The following PALS1 variants were observed in gnomAD, a reference collection of about 807,000 sequenced individuals.
The protein encoded by PALS1 is protein PALS1.
A neutral mutation model predicts 78.9 loss-of-function variants in PALS1; 31 were observed. That is an observed-to-expected ratio of 0.39 (90% CI 0.30 to 0.53). The LOEUF is 0.53. Among genes scored for constraint, PALS1 ranks in the 20% least tolerant of loss-of-function variants. The probability of loss-of-function intolerance (pLI) is 0.67; values close to 1 mark genes in which losing one functional copy is unlikely to be tolerated. For missense variants in PALS1, 704 were observed against 826.5 expected (o/e 0.85, Z 1.82); for synonymous variants, 276 against 270.9 (o/e 1.02, Z -0.18).
intron 3 of PALS1, among the ~76,000 whole-genome samples, chr14:67,291,083 T>C (rs1311946975): frequency 2.0e-5 from 3 of 152,058 alleles, no homozygotes; most frequent in Non-Finnish European, 4.4e-5. Context: ...GGGTCGGAGT[T>C]GACAAATTCT....
chr14:67,243,965 A>G (rs1202400156), intron 1 of PALS1, among the ~76,000 whole-genome samples: 3 of 152,204 alleles, frequency 2.0e-5, no homozygotes, highest in Non-Finnish European at 4.4e-5. Flanking sequence ...TTGGAACTAC[A>G]TGAATGCTAA....
At chr14:67,276,324 T>C (rs1365280953) in intron 2 of PALS1, among the ~76,000 whole-genome samples, 2 of 152,210 alleles carry the variant, frequency 1.3e-5, no homozygotes, top group Non-Finnish European at 2.9e-5. Context: ...TTTCTGAAAG[T>C]GCCATTCTGT....
In PALS1 at chr14:67,332,869, T is replaced by A. The variant is rs761836236; in HGVS notation, c.1941T>A (p.Asp647Glu). 4.3e-6 allele frequency: 7 copies of A among 1,614,054 alleles called. No individual in the cohort carries two copies. The highest frequency in any genetic ancestry group is 1.3e-5 in the African/African-American group (1 of 75,032). ...HYFDTAIVNS[D>E]LDKAYQELLR... ...TTGATACGGCAATTGTGAATTCCGA[T>A]CTTGATAAAGCCTATCAGGAATTGC... The change falls in exon 15 of 15, where the codon GAT becomes GAA. Residue 647 changes from aspartate (D) to glutamate (E), a missense_variant. Coordinates refer to ENST00000261681, the MANE Select transcript of PALS1 (RefSeq NM_022474.4).
intron 1 of PALS1, among the ~76,000 whole-genome samples, chr14:67,258,322 C>T (rs550579369): frequency 2.6e-5 from 4 of 152,238 alleles, no homozygotes; most frequent in African/African-American, 7.2e-5. Context: ...ATCGCATGAG[C>T]TCAGGAGTTC....
At chr14:67,278,406 G>A (rs2084543645) in intron 2 of PALS1, among the ~76,000 whole-genome samples, 1 of 149,698 alleles carries the variant, frequency 6.7e-6, no homozygotes, top group South Asian at 2.1e-4. Flanking sequence ...TTGTCTCAAT[G>A]TAGTTTTGTC....
chr14:67,249,499 A>C (rs142472913), intron 1 of PALS1, among the ~76,000 whole-genome samples: 1,842 of 152,342 alleles, frequency 0.012, 19 homozygotes, highest in Non-Finnish European at 0.018. Context: ...TCACTTATTC[A>C]CTTTTTGTTT....
Position 67,317,493 on chromosome 14 carries a change from T to C in PALS1, c.1369+14T>C. ...ATAAAAATGATGGTAAGTTCTACTC[T>C]CAGGGATAGGTGGAATTATATCTGA... On this transcript the variant is annotated intron_variant, in intron 11 of 14. Transcript: ENST00000261681. 6.4e-7 allele frequency: 1 copy of C among 1,568,172 alleles called. No individual in the cohort carries two copies. The highest frequency in any genetic ancestry group is 8.8e-7 in the Non-Finnish European group (1 of 1,142,538).
intron 1 of PALS1, among the ~76,000 whole-genome samples, chr14:67,260,052 C>T (rs2084212024): frequency 6.6e-6 from 1 of 152,130 alleles, no homozygotes; most frequent in Non-Finnish European, 1.5e-5. Context: ...TACTCTTCCT[C>T]ATTTATTTAA....
intron 14 of PALS1, among the ~76,000 whole-genome samples, chr14:67,327,378 G>A (rs1248079487): frequency 1.3e-5 from 2 of 151,804 alleles, no homozygotes; most frequent in Non-Finnish European, 2.9e-5. Context: ...AAAAGGCGGG[G>A]TACAGTGGCT....
chr14:67,270,926 T>C (rs1470795391), intron 2 of PALS1: 1 of 152,160 alleles, frequency 6.6e-6, no homozygotes, highest in Non-Finnish European at 1.5e-5. Context: ...TAGAAATCAA[T>C]GGAAAAGTAG....
rs890593561 is a variant in PALS1 at position 67,284,442 on chromosome 14, A to AAAAAAAAAAAAAAAC, written c.367+4907_367+4908insAAAAAAAAAAAACAA. 5.0e-4 allele frequency among the ~76,000 whole-genome samples: 72 copies of AAAAAAAAAAAAAAAC among 142,868 alleles called. 5 individuals carry two copies. The highest frequency in any genetic ancestry group is 1.6e-3 in the African/African-American group (63 of 38,694). 93.7% of individuals were successfully genotyped at this position (142,868 alleles called of 152,430 possible). ...GACCCTATCTCTTAAAAAAAAAAAA[A>AAAAAAAAAAAAAAAC]AACAGCTGGGCATGGTGGTATGCTT... On this transcript the variant is annotated intron_variant, in intron 3 of 14. Transcript: ENST00000261681.
chr14:67,270,125 A>G (rs1364008142), intron 2 of PALS1: 2 of 152,182 alleles, frequency 1.3e-5, no homozygotes, highest in African/African-American at 4.8e-5. Flanking sequence ...AAATGGTTCT[A>G]TTCGTTGGTA....
chr14:67,327,729 A>G (rs779987782), intron 14 of PALS1, among the ~76,000 whole-genome samples: 10 of 151,982 alleles, frequency 6.6e-5, no homozygotes, highest in Non-Finnish European at 1.5e-4. Flanking sequence ...TATGAGTGAG[A>G]ACATGCAGTG....
At chr14:67,264,055 TG>T (rs2084278093) in intron 1 of PALS1, among the ~76,000 whole-genome samples, 1 of 152,164 alleles carries the variant, frequency 6.6e-6, no homozygotes, top group African/African-American at 2.4e-5. Context: ...GTGCATGCCA[TG>T]GCACTCGGCA....
chr14:67,260,990 A>C, intron 1 of PALS1, among the ~76,000 whole-genome samples: 1 of 152,228 alleles, frequency 6.6e-6, no homozygotes, highest in East Asian at 1.9e-4. Flanking sequence ...GGAGTCAAGC[A>C]GACTCCAGGC....
Position 67,241,522 on chromosome 14 carries a change from C to G in PALS1, c.-248C>G, listed in dbSNP as rs931210599. The G allele has an allele frequency of 6.6e-6, 1 of 152,324 alleles. No homozygotes were observed. Among genetic ancestry groups the G allele is most frequent in the Admixed American group, 6.6e-5 (1 of 15,202 alleles). 9.4% of individuals were successfully genotyped at this position (152,324 alleles called of 1,614,324 possible). On this transcript the variant is annotated 5_prime_UTR_variant, in exon 1 of 15. Transcript: ENST00000261681. The stretch of plus-strand genomic sequence containing the variant: ...GCCGGGGCGGGAGGCTCCGCGGAGC[C>G]GAGGCGTGGAGGTAAGAGGCGGATC...
At chr14:67,284,864 A>G (rs930892400) in intron 3 of PALS1, among the ~76,000 whole-genome samples, 4 of 152,098 alleles carry the variant, frequency 2.6e-5, no homozygotes, top group African/African-American at 9.7e-5. Flanking sequence ...TCCACTGTAC[A>G]AATATACCAC....
At chr14:67,265,955 T>C (rs148572548) in intron 1 of PALS1, among the ~76,000 whole-genome samples, 10 of 152,224 alleles carry the variant, frequency 6.6e-5, no homozygotes, top group African/African-American at 1.7e-4. Context: ...TAAAAAACTT[T>C]TAAAAAAAAT....
At chr14:67,262,460 C>T (rs2084253810) in intron 1 of PALS1, among the ~76,000 whole-genome samples, 1 of 152,142 alleles carries the variant, frequency 6.6e-6, no homozygotes, top group Admixed American at 6.5e-5. Flanking sequence ...TTTTAAAACT[C>T]TGTTTGGCTC....
Sources: gnomAD v4.1 joint callset for allele counts (sites outside exome capture counted in the v4.1 genomes callset) on GRCh38, gnomAD v4.1.1 for gene constraint, MANE v1.5 for transcripts, NCBI Gene and HGNC (gene_info 2026-07-23, HGNC 2026-07-21) for gene names.